The following DISC1 variants were observed in gnomAD, a reference collection of about 807,000 sequenced individuals.
DISC1 encodes the protein DISC1 scaffold protein.
DISC1 carries 57 observed loss-of-function variants against 84.5 expected under a neutral mutation model. That is an observed-to-expected ratio of 0.67 (90% CI 0.55 to 0.84). DISC1 has a LOEUF of 0.84. Ranked by LOEUF, DISC1 falls within the 40% of genes least tolerant of loss-of-function variation. DISC1 has a pLI of 0.00. For missense variants in DISC1, 1,000 were observed against 1,057.8 expected, an observed-to-expected ratio of 0.95 and a Z score of 0.76; for synonymous variants, 411 against 415.2, an observed-to-expected ratio of 0.99 and a Z score of 0.12.
intron 1 of DISC1, among the ~76,000 whole-genome samples, chr1:231,637,410 A>C (rs2059290301): frequency 6.6e-6 from 1 of 152,224 alleles, no homozygotes; most frequent in Non-Finnish European, 1.5e-5. Context: ...TAGTTTGCCT[A>C]ATGGTCAAGT....
intron 1 of DISC1, among the ~76,000 whole-genome samples, chr1:231,678,721 A>G (rs113979453): frequency 7.2e-4 from 109 of 152,220 alleles, no homozygotes; most frequent in African/African-American, 2.6e-3. Flanking sequence ...AGGCTGGAGT[A>G]CAGTGGCCTG....
At chr1:231,907,215 G>A (rs1315315943) in intron 9 of DISC1, among the ~76,000 whole-genome samples, 10 of 146,758 alleles carry the variant, frequency 6.8e-5, no homozygotes, top group Non-Finnish European at 8.9e-5. Context: ...TGTGCACAAC[G>A]TGCAGGTTTG....
chr1:231,863,928 GTGT>G (rs1422453849), intron 9 of DISC1, among the ~76,000 whole-genome samples: 1 of 152,032 alleles, frequency 6.6e-6, no homozygotes, highest in East Asian at 1.9e-4. Flanking sequence ...GGAAATCACT[GTGT>G]CGCCTGAAGA....
At chr1:231,724,815 G>A (rs1386921768) in intron 3 of DISC1, among the ~76,000 whole-genome samples, 1 of 152,196 alleles carries the variant, frequency 6.6e-6, no homozygotes, top group African/African-American at 2.4e-5. Context: ...AAGTGTCACT[G>A]TCATTTGGTT....
At chr1:231,913,926 G>A (rs965016511) in intron 9 of DISC1, among the ~76,000 whole-genome samples, 3 of 152,102 alleles carry the variant, frequency 2.0e-5, no homozygotes, top group African/African-American at 4.8e-5. Context: ...TTCTGTTTCC[G>A]TGTGAGAGAT....
At chr1:231,965,083 G>T (rs185268081) in intron 10 of DISC1, among the ~76,000 whole-genome samples, 1 of 152,324 alleles carries the variant, frequency 6.6e-6, no homozygotes, top group African/African-American at 2.4e-5. Flanking sequence ...GCAAACTCAG[G>T]TGGACTCAAG....
At chr1:232,025,291 A>T (rs982955376) in intron 11 of DISC1, among the ~76,000 whole-genome samples, 3 of 152,212 alleles carry the variant, frequency 2.0e-5, no homozygotes, top group Non-Finnish European at 4.4e-5. Context: ...GGTTAGTCCT[A>T]TTGGCAAAGC....
At chr1:231,740,566 A>G (rs2073123216) in intron 3 of DISC1, among the ~76,000 whole-genome samples, 1 of 152,222 alleles carries the variant, frequency 6.6e-6, no homozygotes, top group African/African-American at 2.4e-5. Context: ...TGCAGCGCAC[A>G]TGGAGTCCTC....
At chr1:231,636,862 G>C (rs2125134786) in intron 1 of DISC1, among the ~76,000 whole-genome samples, 1 of 152,258 alleles carries the variant, frequency 6.6e-6, no homozygotes, top group South Asian at 2.1e-4. Flanking sequence ...AGGTATACAT[G>C]TGCCATGGTG....
intron 9 of DISC1, among the ~76,000 whole-genome samples, chr1:231,911,482 T>C (rs1558722978): frequency 6.6e-6 from 1 of 152,214 alleles, no homozygotes; most frequent in Non-Finnish European, 1.5e-5. Flanking sequence ...ATTCTTTTCT[T>C]TAAGGATGTT....
intron 8 of DISC1, among the ~76,000 whole-genome samples, chr1:231,812,366 A>G (rs1466556051): frequency 1.3e-5 from 2 of 152,176 alleles, no homozygotes; most frequent in Non-Finnish European, 2.9e-5. Flanking sequence ...ATTTGAATTC[A>G]GAGATGCTGA....
intron 9 of DISC1, among the ~76,000 whole-genome samples, chr1:231,837,247 G>T (rs917022646): frequency 4.6e-5 from 7 of 152,146 alleles, no homozygotes; most frequent in Admixed American, 4.6e-4. Flanking sequence ...CAATTAGAAA[G>T]GTCATCCTGT....
At chr1:231,686,083 G>A (rs907882270) in intron 1 of DISC1, among the ~76,000 whole-genome samples, 16 of 152,188 alleles carry the variant, frequency 1.1e-4, no homozygotes, top group African/African-American at 3.6e-4. Flanking sequence ...GCTTTGCAGG[G>A]TACAGCCTCC....
intron 8 of DISC1, among the ~76,000 whole-genome samples, chr1:231,806,444 A>C (rs1378574285): frequency 1.3e-5 from 2 of 152,192 alleles, no homozygotes; most frequent in Non-Finnish European, 2.9e-5. Context: ...CGAGTTCAAA[A>C]GCCTGGGAGA....
At chr1:231,639,036 T>G (rs2059412405) in intron 1 of DISC1, among the ~76,000 whole-genome samples, 1 of 152,206 alleles carries the variant, frequency 6.6e-6, no homozygotes, top group Admixed American at 6.5e-5. Flanking sequence ...AAACAGCATG[T>G]GTAATATAGC....
chr1:231,732,427 A>C (rs1406608396), intron 3 of DISC1, among the ~76,000 whole-genome samples: 1 of 152,236 alleles, frequency 6.6e-6, no homozygotes, highest in African/African-American at 2.4e-5. Flanking sequence ...TCAAGATACC[A>C]GTTGGAAATT....
intron 10 of DISC1, among the ~76,000 whole-genome samples, chr1:231,994,939 G>A: frequency 6.6e-6 from 1 of 152,258 alleles, no homozygotes; most frequent in East Asian, 1.9e-4. Context: ...GGAAGGGCAA[G>A]ACAAGAAAGA....
chr1:232,005,815 A>G (rs1667350162), intron 10 of DISC1, among the ~76,000 whole-genome samples: 1 of 152,242 alleles, frequency 6.6e-6, no homozygotes, highest in African/African-American at 2.4e-5. Flanking sequence ...TGGATTGAAC[A>G]GCAGATTCGA....
At chr1:231,910,301 T>C (rs1249434541) in intron 9 of DISC1, among the ~76,000 whole-genome samples, 2 of 152,226 alleles carry the variant, frequency 1.3e-5, no homozygotes, top group African/African-American at 2.4e-5. Context: ...TGCTTTCTCT[T>C]GTGGGCATGT....
Sources: allele counts gnomAD v4.1 joint callset (sites outside exome capture counted in the v4.1 genomes callset), GRCh38; gene constraint gnomAD v4.1.1; transcripts MANE v1.5; gene names NCBI Gene and HGNC (gene_info 2026-07-23, HGNC 2026-07-21).